The following STOM variants were observed in gnomAD, a reference collection of about 807,000 sequenced individuals.
The protein encoded by STOM is stomatin.
STOM carries 25 observed loss-of-function variants against 30.6 expected under a neutral mutation model. The ratio of observed to expected loss-of-function variants is 0.82; its 90% CI spans 0.60 to 1.14. STOM has a LOEUF of 1.14. Ranked by LOEUF, STOM falls within the 50% of genes most tolerant of loss-of-function variation. The probability of loss-of-function intolerance (pLI) is 0.00; values close to 1 mark genes in which losing one functional copy is unlikely to be tolerated. For synonymous variants in STOM, 118 were observed against 130.8 expected, an observed-to-expected ratio of 0.90 and a Z score of 0.67; for missense variants, 292 against 365.2, an observed-to-expected ratio of 0.80 and a Z score of 1.63.
intron 6 of STOM, among the ~76,000 whole-genome samples, chr9:121,343,910 C>A (rs997513704): frequency 6.6e-6 from 1 of 152,088 alleles, no homozygotes; most frequent in African/African-American, 2.4e-5. Flanking sequence ...GCTAGTGGAA[C>A]TGCTTTAGAG....
rs984760371 is a variant in STOM, at chr9:121,370,213, C to T, written c.-26G>A. ...GCTGCCCGAGACGCAGTCGCACTCCCCCGTCCTCGTTGCCAAACCCGGAGC... is the reference window on the plus strand; with the variant it reads ...GCTGCCCGAGACGCAGTCGCACTCCTCCGTCCTCGTTGCCAAACCCGGAGC... On this transcript the variant is annotated 5_prime_UTR_variant, in exon 1 of 7. Transcript: ENST00000286713. 3.9e-6 allele frequency: 6 copies of T among 1,543,762 alleles called. No homozygotes were observed. The African/African-American group carries it at 5.5e-5, about 14-fold the overall frequency.
chr9:121,356,195 A>G (rs940393324), intron 1 of STOM, 39 bp from the exon 2 acceptor site: 6 of 1,539,848 alleles, frequency 3.9e-6, no homozygotes, highest in Non-Finnish European at 4.5e-6. Context: ...CACAACTGTT[A>G]CTAGCATAAT....
chr9:121,347,980 C>A, intron 6 of STOM, 35 bp downstream of exon 6: 1 of 1,573,520 alleles, frequency 6.4e-7, no homozygotes, highest in Non-Finnish European at 8.6e-7. Flanking sequence ...AAAGAGAAAA[C>A]TCAGTAAGAA....
At chr9:121,346,776 TG>T (rs1239322960) in intron 6 of STOM, among the ~76,000 whole-genome samples, 1 of 152,236 alleles carries the variant, frequency 6.6e-6, no homozygotes, top group Non-Finnish European at 1.5e-5. Context: ...TGCAAAATTC[TG>T]AAGTCGCATG....
In STOM at chr9:121,351,048, G is replaced by A. The variant is rs1377319305; in HGVS notation, c.322-1725C>T. Among the ~76,000 whole-genome samples the A allele has an allele frequency of 3.9e-5, 6 of 152,044 alleles. No homozygotes were observed. The East Asian group carries it at 7.7e-4, about 20-fold the overall frequency. ...GCTTCTCTGCCTACTGTTTATCATC[G>A]GCAAGGGTTTATCTCCCTTCACAGA... On this transcript the variant is annotated intron_variant, in intron 4 of 6. Coordinates refer to ENST00000286713, the MANE Select transcript of STOM (RefSeq NM_004099.6).
In STOM at chr9:121,340,962, A is replaced by G. The variant is rs3213872; in HGVS notation, c.*240T>C. On this transcript the variant is annotated 3_prime_UTR_variant, in exon 7 of 7. Coordinates refer to ENST00000286713, the MANE Select transcript of STOM (RefSeq NM_004099.6). ...AAACAAGAGGGATCTAACCTACTACATAATAATCTAAAAATACAAACTTTT... is the reference window on the plus strand; with the variant it reads ...AAACAAGAGGGATCTAACCTACTACGTAATAATCTAAAAATACAAACTTTT... 199 of 1,343,610 alleles carry G rather than the reference A, an allele frequency of 1.5e-4. No individual in the cohort carries two copies. In the East Asian group the frequency reaches 6.1e-3, roughly 41 times the overall value. 83.2% of individuals were successfully genotyped at this position (1,343,610 alleles called of 1,614,324 possible). A position where few individuals can be genotyped will look rare whatever the true frequency, so the allele number is the denominator to read the frequency against.
At chr9:121,346,809 T>C (rs1027053715) in intron 6 of STOM, among the ~76,000 whole-genome samples, 1 of 152,230 alleles carries the variant, frequency 6.6e-6, no homozygotes, top group African/African-American at 2.4e-5. Context: ...ACTATCCTAT[T>C]TGATGCTGGC....
intron 2 of STOM, 47 bp from the exon 3 acceptor site, chr9:121,354,720 T>G: frequency 7.2e-7 from 1 of 1,386,460 alleles, no homozygotes; most frequent in East Asian, 2.4e-5. Context: ...AGTACAAATA[T>G]ATACATGCAT....
Position 121,370,202 on chromosome 9 carries a change from A to G in STOM, c.-15T>C, listed in dbSNP as rs905804420. The G allele has an allele frequency of 1.9e-6, 3 of 1,546,104 alleles. No individual in the cohort carries two copies. Among genetic ancestry groups the G allele is most frequent in the African/African-American group, 2.7e-5 (2 of 73,000 alleles). ...TTCTCGGCCATGCTGCCCGAGACGC[A>G]GTCGCACTCCCCCGTCCTCGTTGCC... On this transcript the variant is annotated 5_prime_UTR_variant, in exon 1 of 7. Coordinates refer to ENST00000286713, the MANE Select transcript of STOM (RefSeq NM_004099.6).
In STOM at chr9:121,340,623, G is replaced by A. The variant is rs1422672832; in HGVS notation, c.*579C>T. 1.5e-5 allele frequency: 9 copies of A among 591,236 alleles called. No individual in the cohort carries two copies. The highest frequency in any genetic ancestry group is 1.9e-5 in the Non-Finnish European group (9 of 470,238). The allele number at this position is 591,236 out of a possible 1,614,324, so 36.6% of individuals were successfully genotyped here. On this transcript the variant is annotated 3_prime_UTR_variant, in exon 7 of 7. Transcript: ENST00000286713. ...AAATTAGCTGGGCATGGTGGCATGA[G>A]CCTGTAATCCCAGCTACTGGGGAGG...
At chr9:121,364,186 G>A (rs766842525) in intron 1 of STOM, among the ~76,000 whole-genome samples, 11 of 152,130 alleles carry the variant, frequency 7.2e-5, no homozygotes, top group Non-Finnish European at 1.3e-4. Flanking sequence ...ACATGGTAGC[G>A]TCTCGATAAA....
intron 1 of STOM, among the ~76,000 whole-genome samples, chr9:121,366,746 C>T (rs10818531): frequency 0.058 from 8,859 of 152,040 alleles, 311 homozygotes; most frequent in East Asian, 0.16. Flanking sequence ...CTACTATGTA[C>T]TTGATACTGG....
intron 6 of STOM, among the ~76,000 whole-genome samples, chr9:121,344,024 T>C (rs367886611): frequency 9.2e-5 from 14 of 151,864 alleles, no homozygotes; most frequent in African/African-American, 3.4e-4. Flanking sequence ...GGAGACTAGG[T>C]AGGAGGAGGA....
At chr9:121,359,452 G>T (rs939624786) in intron 1 of STOM, among the ~76,000 whole-genome samples, 12 of 151,886 alleles carry the variant, frequency 7.9e-5, no homozygotes, top group Non-Finnish European at 1.5e-4. Context: ...TATAATTTAG[G>T]GGGTACAGAC....
At position 121,354,722 on chromosome 9, in the gene STOM, T is replaced by C; in HGVS notation, c.166-49A>G. The C allele has an allele frequency of 2.9e-6, 4 of 1,372,954 alleles. No homozygotes were observed. The South Asian group carries it at 5.0e-5, about 17-fold the overall frequency. 85.0% of individuals were successfully genotyped at this position (1,372,954 alleles called of 1,614,324 possible). A position where few individuals can be genotyped will look rare whatever the true frequency, so the allele number is the denominator to read the frequency against. ...ATTTAACATGAAGAGTACAAATATATACATGCATGGCTTCTTAAATATATA... is the reference window on the plus strand; with the variant it reads ...ATTTAACATGAAGAGTACAAATATACACATGCATGGCTTCTTAAATATATA... On this transcript the variant is annotated intron_variant, in intron 2 of 6. Transcript: ENST00000286713.
rs1001893037 is a variant in STOM, at chr9:121,339,852, T to C, written c.*1350A>G. 4.3e-6 allele frequency: 5 copies of C among 1,173,090 alleles called. No homozygotes were observed. In the East Asian group the frequency reaches 1.1e-4, roughly 27 times the overall value. 72.7% of individuals were successfully genotyped at this position (1,173,090 alleles called of 1,614,324 possible). A position where few individuals can be genotyped will look rare whatever the true frequency, so the allele number is the denominator to read the frequency against. ...AAAAAGACCTACATCTATATAGATA[T>C]TGTAAGTTTGACAGTATCTGCCCAA... On this transcript the variant is annotated 3_prime_UTR_variant, in exon 7 of 7. Coordinates refer to ENST00000286713, the MANE Select transcript of STOM (RefSeq NM_004099.6).
At chr9:121,348,672 G>A (rs950434408) in intron 5 of STOM, among the ~76,000 whole-genome samples, 2 of 152,170 alleles carry the variant, frequency 1.3e-5, no homozygotes, top group Non-Finnish European at 1.5e-5. Flanking sequence ...TACCCACGAT[G>A]AAGTCTATAC....
At chr9:121,357,073 T>C (rs765331677) in intron 1 of STOM, among the ~76,000 whole-genome samples, 1 of 152,172 alleles carries the variant, frequency 6.6e-6, no homozygotes, top group African/African-American at 2.4e-5. Flanking sequence ...GAAAACCATA[T>C]GATATGAGTA....
In STOM at chr9:121,350,286, C is replaced by T. The variant is rs538195045; in HGVS notation, c.322-963G>A. On this transcript the variant is annotated intron_variant, in intron 4 of 6. Transcript: ENST00000286713. Reference sequence around the variant, plus strand: ...CTCACTAACAACATCAGGCTGGCACCTTTCTACTGATCATTTAAATGTCCT... The same window carrying T: ...CTCACTAACAACATCAGGCTGGCACTTTTCTACTGATCATTTAAATGTCCT... Among the ~76,000 whole-genome samples the T allele has an allele frequency of 2.2e-4, 33 of 152,326 alleles. No homozygotes were observed. In the Middle Eastern group the frequency reaches 0.014, roughly 63 times the overall value.
Sources: gnomAD v4.1 joint callset for allele counts (sites outside exome capture counted in the v4.1 genomes callset) on GRCh38, gnomAD v4.1.1 for gene constraint, MANE v1.5 for transcripts, NCBI Gene and HGNC (gene_info 2026-07-23, HGNC 2026-07-21) for gene names.